The following METTL25 variants were observed in gnomAD, a reference collection of about 807,000 sequenced individuals.
METTL25 encodes the protein probable methyltransferase-like protein 25.
In METTL25, 64 loss-of-function variants were observed where a neutral mutation model predicts 71.6. That is an observed-to-expected ratio of 0.89 (90% confidence interval 0.73 to 1.10). The LOEUF (loss-of-function observed/expected upper bound fraction) is 1.10, where lower values mean the gene tolerates loss of function less well. Among genes scored for constraint, METTL25 ranks in the 50% least tolerant of loss-of-function variants. METTL25 has a pLI of 0.00. For missense variants in METTL25, 807 were observed against 707.0 expected, an observed-to-expected ratio of 1.14 and a Z score of -1.60; for synonymous variants, 287 against 250.3, an observed-to-expected ratio of 1.15 and a Z score of -1.38.
At chr12:82,391,347 G>C (rs1885559500) in intron 3 of METTL25, among the ~76,000 whole-genome samples, 2 of 152,008 alleles carry the variant, frequency 1.3e-5, no homozygotes, top group Admixed American at 1.3e-4. Flanking sequence ...GGATTCCTAT[G>C]GGGTTGGTTT....
In METTL25 at chr12:82,456,821, G is replaced by C. The variant is rs752881188; in HGVS notation, c.1572+1G>C. On this transcript the variant is annotated splice_donor_variant, in intron 9 of 11. Transcript: ENST00000248306. LOFTEE classifies it high-confidence loss of function. ...GAAGCTTGGATTAGATGAGTCCAAG[G>C]TCAGTATATGATGACTCATTATTTT... 1 of 1,466,146 alleles carries C rather than the reference G, an allele frequency of 6.8e-7. No individual in the cohort carries two copies. Among genetic ancestry groups the C allele is most frequent in the African/African-American group, 1.4e-5 (1 of 70,650 alleles). The allele number at this position is 1,466,146 out of a possible 1,614,324, so 90.8% of individuals were successfully genotyped here.
intron 5 of METTL25, among the ~76,000 whole-genome samples, chr12:82,416,643 T>G (rs1222890636): frequency 6.6e-6 from 1 of 151,882 alleles, no homozygotes. Flanking sequence ...TTTGTTTTGT[T>G]TTTGTCATAA....
At chr12:82,403,186 T>TCA in intron 5 of METTL25, 56 bp downstream of exon 5, 1 of 1,506,436 alleles carries the variant, frequency 6.6e-7, no homozygotes, top group Non-Finnish European at 9.0e-7. Flanking sequence ...TGAAATATGC[T>TCA]ATTTCTATTT....
At chr12:82,412,290 A>G (rs532918093) in intron 5 of METTL25, among the ~76,000 whole-genome samples, 1 of 152,218 alleles carries the variant, frequency 6.6e-6, no homozygotes, top group South Asian at 2.1e-4. Context: ...TTTCTTTCAA[A>G]TTTTATAAAA....
intron 5 of METTL25, among the ~76,000 whole-genome samples, chr12:82,404,810 G>A (rs898040652): frequency 1.3e-5 from 2 of 152,124 alleles, no homozygotes; most frequent in African/African-American, 4.8e-5. Flanking sequence ...TGGCCATGGT[G>A]GTGGACGCCT....
rs1891525342 is a variant in METTL25 at position 82,456,812 on chromosome 12, G to A, written c.1564G>A (p.Glu522Lys). Residue 522 changes from glutamate to lysine, a missense_variant, in exon 9 of 12, where the codon GAG (glutamate) becomes AAG (lysine). Glu to Lys is a moderately conservative substitution (Grantham distance 56). Coordinates refer to ENST00000248306, the MANE Select transcript of METTL25 (RefSeq NM_032230.3). The part of the protein sequence containing the change: ...RRSLKKLGLD[E>K]SKLPEKIIMN... ...GTCTCTAAAGAAGCTTGGATTAGAT[G>A]AGTCCAAGGTCAGTATATGATGACT... 1 of 1,556,560 alleles carries A rather than the reference G, an allele frequency of 6.4e-7. No individual in the cohort carries two copies. The highest frequency in any genetic ancestry group is 8.8e-7 in the Non-Finnish European group (1 of 1,135,064).
chr12:82,385,959 G>A (rs779732743), intron 1 of METTL25, among the ~76,000 whole-genome samples: 4 of 152,092 alleles, frequency 2.6e-5, no homozygotes, highest in Non-Finnish European at 5.9e-5. Context: ...AGCCACACCT[G>A]AGTTCAACAA....
intron 1 of METTL25, among the ~76,000 whole-genome samples, chr12:82,372,757 A>G (rs754445778): frequency 6.6e-6 from 1 of 152,100 alleles, no homozygotes; most frequent in Admixed American, 6.5e-5. Flanking sequence ...TCCCATCTGA[A>G]AGACAAAACC....
chr12:82,414,028 T>C (rs1031809993), intron 5 of METTL25, among the ~76,000 whole-genome samples: 1 of 151,922 alleles, frequency 6.6e-6, no homozygotes, highest in Non-Finnish European at 1.5e-5. Context: ...ATATTAATAG[T>C]GTATTAGTTT....
chr12:82,394,688 G>T (rs183399616), intron 3 of METTL25, among the ~76,000 whole-genome samples: 214 of 152,040 alleles, frequency 1.4e-3, no homozygotes, highest in African/African-American at 4.6e-3. Flanking sequence ...ACAATAAAAA[G>T]GTTATGAGTG....
intron 9 of METTL25, among the ~76,000 whole-genome samples, chr12:82,458,850 A>G (rs1482431479): frequency 1.3e-5 from 2 of 152,084 alleles, no homozygotes; most frequent in African/African-American, 4.8e-5. Context: ...GGGAGAAAGA[A>G]AATATCCAAC....
chr12:82,428,293 G>A (rs140851762), intron 5 of METTL25, among the ~76,000 whole-genome samples: 1 of 151,814 alleles, frequency 6.6e-6, no homozygotes, highest in Non-Finnish European at 1.5e-5. Context: ...TTCTCTGTTA[G>A]TACTAGGAAT....
intron 5 of METTL25, among the ~76,000 whole-genome samples, chr12:82,423,172 T>C (rs1047181998): frequency 1.3e-5 from 2 of 152,126 alleles, no homozygotes; most frequent in African/African-American, 4.8e-5. Context: ...CAAAACAGCA[T>C]GGTACTAGTA....
chr12:82,380,374 T>C (rs1461461406), intron 1 of METTL25, among the ~76,000 whole-genome samples: 1 of 152,178 alleles, frequency 6.6e-6, no homozygotes, highest in East Asian at 1.9e-4. Context: ...GACAAAAGTT[T>C]ACCTATGTAA....
intron 7 of METTL25, among the ~76,000 whole-genome samples, chr12:82,435,760 CA>C (rs912771749): frequency 1.1e-4 from 17 of 151,488 alleles, no homozygotes; most frequent in South Asian, 4.1e-4. Flanking sequence ...ATGCTTAAAA[CA>C]ATGTCTAACA....
chr12:82,371,870 C>T (rs553873942), intron 1 of METTL25, among the ~76,000 whole-genome samples: 1 of 152,216 alleles, frequency 6.6e-6, no homozygotes, highest in African/African-American at 2.4e-5. Context: ...TGGACTTTTT[C>T]CTAATTCTCC....
intron 11 of METTL25, among the ~76,000 whole-genome samples, chr12:82,477,616 C>T (rs1245102579): frequency 6.6e-6 from 1 of 151,706 alleles, no homozygotes; most frequent in Non-Finnish European, 1.5e-5. Context: ...TGAACATAAA[C>T]TGCTATATAT....
chr12:82,396,975 T>C (rs930456218), intron 3 of METTL25, among the ~76,000 whole-genome samples: 1 of 152,082 alleles, frequency 6.6e-6, no homozygotes, highest in African/African-American at 2.4e-5. Context: ...AGTCCAGATA[T>C]GCTATTTGTT....
intron 1 of METTL25, among the ~76,000 whole-genome samples, chr12:82,366,098 A>T (rs1005708427): frequency 5.9e-5 from 9 of 152,204 alleles, no homozygotes; most frequent in Non-Finnish European, 1.0e-4. Context: ...ATTTAAAAAA[A>T]TTTTAAAAAA....
Sources: allele counts gnomAD v4.1 joint callset (sites outside exome capture counted in the v4.1 genomes callset), GRCh38; gene constraint gnomAD v4.1.1; transcripts MANE v1.5; gene names NCBI Gene and HGNC (gene_info 2026-07-23, HGNC 2026-07-21).